Variants in AOPEP observed in about 807,000 individuals in gnomAD.
AOPEP encodes aminopeptidase O.
Under a neutral mutation model 98.1 loss-of-function variants are expected in AOPEP, and 77 were observed. The ratio of observed to expected loss-of-function variants is 0.78; its 90% CI spans 0.65 to 0.95. AOPEP has a LOEUF of 0.95. Among genes scored for constraint, AOPEP ranks in the 40% least tolerant of loss-of-function variants. AOPEP has a pLI of 0.00. For missense variants in AOPEP, 1,024 were observed against 1,024.7 expected, an observed-to-expected ratio of 1.00 and a Z score of 0.01; for synonymous variants, 346 against 365.3, an observed-to-expected ratio of 0.95 and a Z score of 0.60.
chr9:95,105,212 G>T, the AOPEP span, among the ~76,000 whole-genome samples: 2 of 152,182 alleles, frequency 1.3e-5, no homozygotes, highest in South Asian at 4.1e-4. Flanking sequence ...GTCCTACCAG[G>T]ATGGAGACAA....
chr9:94,880,822 A>T (rs2047498773), intron 5 of AOPEP, among the ~76,000 whole-genome samples: 1 of 152,216 alleles, frequency 6.6e-6, no homozygotes, highest in Non-Finnish European at 1.5e-5. Flanking sequence ...CTTCTCTATT[A>T]ACTCATTTTG....
chr9:94,989,610 T>A (rs2060758950), intron 11 of AOPEP, among the ~76,000 whole-genome samples: 3 of 103,612 alleles, frequency 2.9e-5, no homozygotes, highest in Admixed American at 2.6e-4. Context: ...TAACCCAAAC[T>A]TTTTTTTTTT....
chr9:95,028,750 A>G (rs2064050167), intron 13 of AOPEP, among the ~76,000 whole-genome samples: 1 of 152,176 alleles, frequency 6.6e-6, no homozygotes, highest in Non-Finnish European at 1.5e-5. Context: ...TGTTGTATTT[A>G]ATTGGGTACT....
chr9:95,126,501 TTAC>T, the AOPEP span: 1 of 1,605,082 alleles, frequency 6.2e-7, no homozygotes, highest in African/African-American at 1.3e-5. Flanking sequence ...TTTACATCAA[TTAC>T]TAGAAGAAAC....
intron 11 of AOPEP, among the ~76,000 whole-genome samples, chr9:94,983,938 T>C (rs1223683956): frequency 1.3e-5 from 2 of 151,082 alleles, no homozygotes; most frequent in East Asian, 2.0e-4. Flanking sequence ...GGGCCTTGCA[T>C]ATATTAACAG....
At chr9:94,788,277 CT>C (rs1183295236) in intron 3 of AOPEP, among the ~76,000 whole-genome samples, 1 of 152,100 alleles carries the variant, frequency 6.6e-6, no homozygotes, top group African/African-American at 2.4e-5. Flanking sequence ...TGGGATCCCC[CT>C]GTGTTGCCCA....
At chr9:94,865,697 A>G (rs1311219199) in intron 5 of AOPEP, among the ~76,000 whole-genome samples, 1 of 152,218 alleles carries the variant, frequency 6.6e-6, no homozygotes, top group African/African-American at 2.4e-5. Context: ...CTGTAATGCA[A>G]GAAACCATTC....
At chr9:95,014,638 C>T (rs549957272) in intron 13 of AOPEP, among the ~76,000 whole-genome samples, 3 of 152,294 alleles carry the variant, frequency 2.0e-5, no homozygotes, top group Non-Finnish European at 4.4e-5. Context: ...AGGATCTCTG[C>T]ATCTACTCAT....
At chr9:95,015,569 A>T (rs1055865861) in intron 13 of AOPEP, among the ~76,000 whole-genome samples, 12 of 152,344 alleles carry the variant, frequency 7.9e-5, no homozygotes, top group Admixed American at 1.3e-4. Context: ...ACTATATAGG[A>T]TAGGAGAATT....
At chr9:94,976,537 C>G (rs77561294) in intron 10 of AOPEP, among the ~76,000 whole-genome samples, 149 of 152,324 alleles carry the variant, frequency 9.8e-4, no homozygotes, top group African/African-American at 3.4e-3. Context: ...CCCTTGTGGG[C>G]TCTTCCCCTT....
intron 5 of AOPEP, among the ~76,000 whole-genome samples, chr9:94,896,805 A>C (rs1403819673): frequency 6.6e-6 from 1 of 152,200 alleles, no homozygotes; most frequent in Non-Finnish European, 1.5e-5. Context: ...TATTCTGGTA[A>C]AAACTAAGGA....
intron 3 of AOPEP, among the ~76,000 whole-genome samples, chr9:94,774,916 A>T (rs1194850772): frequency 6.6e-6 from 1 of 152,170 alleles, no homozygotes; most frequent in Non-Finnish European, 1.5e-5. Context: ...TGAGTTTCAC[A>T]TGTCCTTATA....
chr9:94,986,741 C>G (rs942270130), intron 11 of AOPEP, among the ~76,000 whole-genome samples: 1 of 152,142 alleles, frequency 6.6e-6, no homozygotes, highest in Non-Finnish European at 1.5e-5. Context: ...AATATATTGA[C>G]CTCTTTACAG....
chr9:95,095,226 T>G, the AOPEP span, among the ~76,000 whole-genome samples: 1 of 152,228 alleles, frequency 6.6e-6, no homozygotes, highest in African/African-American at 2.4e-5. Flanking sequence ...ATTTGGATGT[T>G]TGACAGGCTG....
intron 5 of AOPEP, among the ~76,000 whole-genome samples, chr9:94,826,584 C>T (rs1009470087): frequency 1.3e-5 from 2 of 152,192 alleles, no homozygotes; most frequent in African/African-American, 2.4e-5. Flanking sequence ...ACACATTGCA[C>T]AGGTGATTCA....
chr9:95,091,467 G>A (rs2070865821), downstream of AOPEP, among the ~76,000 whole-genome samples: 1 of 152,200 alleles, frequency 6.6e-6, no homozygotes, highest in Admixed American at 6.5e-5. Context: ...AGCCACTGCA[G>A]GCTCACTCTG....
At chr9:94,781,573 T>A (rs534157212) in intron 3 of AOPEP, among the ~76,000 whole-genome samples, 6 of 151,686 alleles carry the variant, frequency 4.0e-5, no homozygotes, top group African/African-American at 1.4e-4. Context: ...ATTAATTAAT[T>A]TTTTTGAGAC....
chr9:95,046,631 T>C (rs1466462457), intron 13 of AOPEP, among the ~76,000 whole-genome samples: 1 of 152,244 alleles, frequency 6.6e-6, no homozygotes, highest in Non-Finnish European at 1.5e-5. Context: ...GAACGACTTC[T>C]AGACCTGGGA....
At chr9:94,863,439 C>G (rs1432655715) in intron 5 of AOPEP, among the ~76,000 whole-genome samples, 2 of 152,168 alleles carry the variant, frequency 1.3e-5, no homozygotes, top group Non-Finnish European at 2.9e-5. Context: ...CACCACCACG[C>G]CTGGCTAATT....
Sources: allele counts gnomAD v4.1 joint callset (sites outside exome capture counted in the v4.1 genomes callset), GRCh38; gene constraint gnomAD v4.1.1; transcripts MANE v1.5; gene names NCBI Gene and HGNC (gene_info 2026-07-23, HGNC 2026-07-21).